Variants in ASB2 observed in about 807,000 individuals in gnomAD.
ASB2 encodes ankyrin repeat and SOCS box containing 2.
Under a neutral mutation model 62.4 loss-of-function variants are expected in ASB2, and 58 were observed. That is an observed-to-expected ratio of 0.93 (90% CI 0.75 to 1.16). The LOEUF (loss-of-function observed/expected upper bound fraction) is 1.16, where lower values mean the gene tolerates loss of function less well. ASB2 is among the 50% of genes most tolerant of loss of function. The pLI is 0.00. For synonymous variants in ASB2, 386 were observed against 385.3 expected (o/e 1.00, Z -0.02); for missense variants, 928 against 887.9 (o/e 1.05, Z -0.57).
At position 93,951,094 on chromosome 14, in the gene ASB2, G is replaced by A. The variant is rs748678489; in HGVS notation, c.785C>T (p.Ala262Val). Residue 262 changes from alanine to valine, a missense_variant, in exon 6 of 10, where the codon GCC (alanine) becomes GTC (valine). Coordinates refer to ENST00000555019, the MANE Select transcript of ASB2 (RefSeq NM_001202429.2). ...GTAGGCGTTCTTGGATTCCACCTTG[G>A]CTCCTCCGCTCACCAGGATCTGCAT... is the stretch of plus-strand genomic sequence containing the variant. ...EVMQILVSGG[A>V]KVESKNAYGI... is the part of the protein sequence containing the mutation. 1 of 1,614,212 alleles carries A rather than the reference G, an allele frequency of 6.2e-7. No individual in the cohort carries two copies.
At chr14:93,956,643 G>T in intron 3 of ASB2, 123 bp downstream of exon 3, 2 of 1,325,066 alleles carry the variant, frequency 1.5e-6, no homozygotes, top group Non-Finnish European at 2.1e-6. Flanking sequence ...GAGCGTGCCT[G>T]GCAGGTGCCT....
rs201422630 is a variant in ASB2, at chr14:93,939,250, A to G, written c.1475T>C (p.Leu492Pro). The G allele has an allele frequency of 6.2e-7, 1 of 1,609,814 alleles. No individual in the cohort carries two copies. Among genetic ancestry groups the G allele is most frequent in the Non-Finnish European group, 8.5e-7 (1 of 1,177,176 alleles). The change falls in exon 8 of 10, where the codon CTC (leucine) becomes CCC (proline). Residue 492 changes from leucine to proline, a missense_variant. Physicochemically the swap from Leu to Pro is moderately conservative, Grantham distance 98. Transcript: ENST00000555019. ...GCAGCCCAGGTCCATGAGGAACTTGAGCAGCGACAGGCACTTCATGGCGAA... is the reference window on the plus strand; with the variant it reads ...GCAGCCCAGGTCCATGAGGAACTTGGGCAGCGACAGGCACTTCATGGCGAA... ...IMFAMKCLSL[L>P]KFLMDLGCDG...
rs145757390 is a variant in ASB2 at position 93,942,244 on chromosome 14, A to G, written c.1053-2572T>C. 5.9e-5 allele frequency: 27 copies of G among 456,106 alleles called. No homozygotes were observed. The East Asian group carries it at 1.7e-3, about 29-fold the overall frequency. 28.3% of individuals were successfully genotyped at this position (456,106 alleles called of 1,614,324 possible). On this transcript the variant is annotated intron_variant, in intron 7 of 9. Coordinates refer to ENST00000555019, the MANE Select transcript of ASB2 (RefSeq NM_001202429.2). The stretch of plus-strand genomic sequence containing the variant: ...AGTATAATTGCTCAAGCGGCACCTC[A>G]TGAAGAGGAACAAAGGTGACTATTG...
intron 2 of ASB2, 54 bp from the exon 3 acceptor site, chr14:93,956,924 G>A (rs760499296): frequency 1.9e-6 from 3 of 1,607,928 alleles, no homozygotes; most frequent in Non-Finnish European, 2.6e-6. Flanking sequence ...CATAGGAGAA[G>A]CGGGTCATGG....
intron 2 of ASB2, among the ~76,000 whole-genome samples, chr14:93,962,246 C>A (rs886165476): frequency 6.8e-6 from 1 of 147,908 alleles, no homozygotes; most frequent in Non-Finnish European, 1.5e-5. Context: ...TCCCAAGTAG[C>A]TGGGACTACA....
chr14:93,938,391 CA>C (rs1393163298), intron 8 of ASB2, among the ~76,000 whole-genome samples: 1 of 152,002 alleles, frequency 6.6e-6, no homozygotes, highest in Non-Finnish European at 1.5e-5. Flanking sequence ...AGGCGCCGGC[CA>C]CCACACTTGG....
At chr14:93,940,544 G>A (rs1888477250) in intron 7 of ASB2, 1 of 152,190 alleles carries the variant, frequency 6.6e-6, no homozygotes. Flanking sequence ...TACTGCCCCA[G>A]GCCCCAACCA....
chr14:93,975,350 A>T (rs1460451821), intron 1 of ASB2, among the ~76,000 whole-genome samples: 1 of 152,198 alleles, frequency 6.6e-6, no homozygotes, highest in Non-Finnish European at 1.5e-5. Flanking sequence ...TGGCTTCCCG[A>T]AGAGCCACCG....
intron 2 of ASB2, 54 bp downstream of exon 2, chr14:93,964,280 G>C (rs778289252): frequency 2.4e-5 from 36 of 1,477,244 alleles, no homozygotes; most frequent in Non-Finnish European, 3.3e-5. Context: ...GGGATCTACA[G>C]TCTGTGGATG....
chr14:93,951,804 T>C (rs753360782), intron 5 of ASB2, among the ~76,000 whole-genome samples: 1 of 152,236 alleles, frequency 6.6e-6, no homozygotes, highest in Non-Finnish European at 1.5e-5. Context: ...CCTGCTGAAC[T>C]TCCCCCTGCT....
chr14:93,972,025 AT>A (rs1360713230), intron 1 of ASB2, among the ~76,000 whole-genome samples: 6 of 148,218 alleles, frequency 4.0e-5, no homozygotes, highest in Admixed American at 6.8e-5. Flanking sequence ...GTAATTATAT[AT>A]TTTTATATTA....
In ASB2 at chr14:93,953,388, T is replaced by C. The variant is rs969714642; in HGVS notation, c.598A>G (p.Ile200Val). The change falls in exon 5 of 10, where the codon ATC becomes GTC. Residue 200 changes from isoleucine to valine, a missense_variant. Coordinates refer to ENST00000555019, the MANE Select transcript of ASB2 (RefSeq NM_001202429.2). ...SLLQAGAEPD[I>V]SNKSRETPLY... ...GGTGTCTCTCGGGATTTGTTGGAGATGTCCGGCTCTGCCCCTGCTTGGAGC... is the reference window on the plus strand; with the variant it reads ...GGTGTCTCTCGGGATTTGTTGGAGACGTCCGGCTCTGCCCCTGCTTGGAGC... 2.5e-6 allele frequency: 4 copies of C among 1,597,420 alleles called. No homozygotes were observed. Among genetic ancestry groups the C allele is most frequent in the Non-Finnish European group, 3.4e-6 (4 of 1,166,814 alleles).
At chr14:93,951,785 T>A (rs1888979633) in intron 5 of ASB2, among the ~76,000 whole-genome samples, 1 of 152,236 alleles carries the variant, frequency 6.6e-6, no homozygotes. Context: ...GAGTCAGCGG[T>A]GTCATAATCC....
intron 4 of ASB2, 159 bp downstream of exon 4, chr14:93,954,158 C>G (rs2141296619): frequency 1.6e-6 from 1 of 643,478 alleles, no homozygotes; most frequent in Non-Finnish European, 2.7e-6. Flanking sequence ...AACTCATTTC[C>G]CCTCTCGTAA....
rs1040261134 is a variant in ASB2, at chr14:93,939,515, C to T, written c.1210G>A (p.Ala404Thr). ...CTGCGCCGGTCTTCGTAGAGGCGCG[C>T]GCGCTCGGGGGCCAGCGGCGTGTTC... ...DVNTPLAPER[A>T]RLYEDRRSSA... Residue 404 changes from alanine to threonine, a missense_variant, in exon 8 of 10, where the codon GCG (alanine) becomes ACG (threonine). Coordinates refer to ENST00000555019, the MANE Select transcript of ASB2 (RefSeq NM_001202429.2). The T allele has an allele frequency of 1.9e-6, 3 of 1,606,794 alleles. No homozygotes were observed. Among genetic ancestry groups the T allele is most frequent in the Non-Finnish European group, 2.5e-6 (3 of 1,176,968 alleles).
At chr14:93,954,872 G>C (rs1889119467) in intron 3 of ASB2, among the ~76,000 whole-genome samples, 1 of 151,960 alleles carries the variant, frequency 6.6e-6, no homozygotes, top group South Asian at 2.1e-4. Flanking sequence ...ATATCTCTGG[G>C]GTCTTCCAAC....
intron 1 of ASB2, among the ~76,000 whole-genome samples, chr14:93,969,644 C>A (rs941489): frequency 2.9e-3 from 439 of 152,256 alleles, no homozygotes; most frequent in African/African-American, 1.0e-2. Context: ...CAAAAATAGC[C>A]CTTTCCCAAG....
At chr14:93,974,923 A>C (rs1338770361) in intron 1 of ASB2, among the ~76,000 whole-genome samples, 1 of 151,726 alleles carries the variant, frequency 6.6e-6, no homozygotes, top group African/African-American at 2.4e-5. Context: ...CCCCGCCACC[A>C]CAAGGCACTC....
At chr14:93,973,987 G>A (rs2141325991) in intron 1 of ASB2, 1 of 152,498 alleles carries the variant, frequency 6.6e-6, no homozygotes, top group East Asian at 1.9e-4. Context: ...GGGTTCTGGA[G>A]GCTTTAACTC....
Sources: gnomAD v4.1 joint callset for allele counts (sites outside exome capture counted in the v4.1 genomes callset) on GRCh38, gnomAD v4.1.1 for gene constraint, MANE v1.5 for transcripts, NCBI Gene and HGNC (gene_info 2026-07-23, HGNC 2026-07-21) for gene names.